Variants in HMGB1 observed in about 807,000 individuals in gnomAD.
HMGB1 encodes high mobility group protein B1.
For missense variants in HMGB1, 79 were observed against 253.5 expected (o/e 0.31, Z 4.67); for synonymous variants, 81 against 84.0 (o/e 0.96, Z 0.19).
At chr13:30,520,230 G>A (rs1404133081) in intron 1 of HMGB1, among the ~76,000 whole-genome samples, 3 of 152,162 alleles carry the variant, frequency 2.0e-5, no homozygotes, top group Admixed American at 6.5e-5. Flanking sequence ...GCTGAGGCAC[G>A]AGAATCACTT....
At chr13:30,531,771 C>T (rs1183558583) in intron 1 of HMGB1, among the ~76,000 whole-genome samples, 1 of 151,646 alleles carries the variant, frequency 6.6e-6, no homozygotes, top group Non-Finnish European at 1.5e-5. Context: ...GTGGTGGGCA[C>T]CTGTAATCCC....
intron 1 of HMGB1, chr13:30,464,393 T>C: frequency 1.0e-6 from 1 of 985,498 alleles, no homozygotes; most frequent in Non-Finnish European, 1.2e-6. Context: ...CTCCTGCTCG[T>C]GGCTCGGTGG....
intron 4 of HMGB1, 84 bp downstream of exon 4, chr13:30,462,454 A>G (rs751292341): frequency 3.6e-6 from 4 of 1,117,006 alleles, no homozygotes; most frequent in Non-Finnish European, 5.5e-6. Context: ...TGTTACCCTA[A>G]AAACTTATTA....
At chr13:30,469,634 ATT>A (rs1409590305), upstream of HMGB1, among the ~76,000 whole-genome samples, 5 of 57,846 alleles carry the variant, frequency 8.6e-5, 2 homozygotes, top group Admixed American at 6.0e-4. Context: ...CGCCCGGCCT[ATT>A]TATTTATTTA....
At chr13:30,538,790 T>TCTTTCTTC (rs1274036194) in intron 1 of HMGB1, among the ~76,000 whole-genome samples, 2 of 149,806 alleles carry the variant, frequency 1.3e-5, no homozygotes, top group Non-Finnish European at 3.0e-5. Context: ...TCTTTCTTTT[T>TCTTTCTTC]CTTTCTTCCT....
chr13:30,551,603 G>A (rs537516593), intron 1 of HMGB1, among the ~76,000 whole-genome samples: 24 of 152,330 alleles, frequency 1.6e-4, no homozygotes, highest in Admixed American at 1.4e-3. Context: ...CCTCTAGGAT[G>A]CAGCCCAACA....
intron 1 of HMGB1, among the ~76,000 whole-genome samples, chr13:30,600,242 T>A (rs1593337896): frequency 6.6e-6 from 1 of 152,278 alleles, no homozygotes; most frequent in Non-Finnish European, 1.5e-5. Context: ...TAAGTGATCA[T>A]CAGCCACTAA....
chr13:30,594,096 G>A (rs1370960478), intron 1 of HMGB1, among the ~76,000 whole-genome samples: 1 of 152,092 alleles, frequency 6.6e-6, no homozygotes, highest in Non-Finnish European at 1.5e-5. Flanking sequence ...AAAAATGTGT[G>A]TATATTCATT....
intron 1 of HMGB1, among the ~76,000 whole-genome samples, chr13:30,536,686 GT>G (rs1868456891): frequency 6.6e-6 from 1 of 152,160 alleles, no homozygotes; most frequent in East Asian, 1.9e-4. Flanking sequence ...TTCAACAACT[GT>G]GTAAATATTG....
intron 1 of HMGB1, among the ~76,000 whole-genome samples, chr13:30,497,590 T>C (rs923625063): frequency 1.3e-5 from 2 of 152,082 alleles, no homozygotes; most frequent in Non-Finnish European, 2.9e-5. Flanking sequence ...AGTTTTTTGA[T>C]CCTCACCCTC....
chr13:30,602,073 T>A (rs1374177682), intron 1 of HMGB1, among the ~76,000 whole-genome samples: 1 of 151,620 alleles, frequency 6.6e-6, no homozygotes, highest in Non-Finnish European at 1.5e-5. Flanking sequence ...GTGACACCAG[T>A]ACCACAGCCT....
At chr13:30,534,702 C>T (rs556783036) in intron 1 of HMGB1, among the ~76,000 whole-genome samples, 3 of 151,600 alleles carry the variant, frequency 2.0e-5, no homozygotes, top group East Asian at 1.9e-4. Flanking sequence ...CTCAGCCTCC[C>T]GAGCAGCTGG....
chr13:30,591,290 C>T (rs1871359759), intron 1 of HMGB1, among the ~76,000 whole-genome samples: 3 of 151,992 alleles, frequency 2.0e-5, no homozygotes, highest in Admixed American at 2.0e-4. Context: ...CCTCGGCCTC[C>T]CAAAGTGCTG....
At chr13:30,477,883 G>A (rs1056847188) in intron 1 of HMGB1, among the ~76,000 whole-genome samples, 2 of 152,114 alleles carry the variant, frequency 1.3e-5, no homozygotes, top group African/African-American at 4.8e-5. Context: ...AAAGCGGTTT[G>A]TAAGGGTAAA....
chr13:30,463,576 T>A lies in HMGB1; in HGVS notation c.105A>T (p.Ser35=), dbSNP rs1041840618. 4 of 1,611,406 alleles carry A rather than the reference T, an allele frequency of 2.5e-6. No homozygotes were observed. Among genetic ancestry groups the A allele is most frequent in the Non-Finnish European group, 3.4e-6 (4 of 1,179,078 alleles). Residue 35 remains serine, a synonymous_variant, in exon 2 of 5, where the codon TCA becomes TCT. Transcript: ENST00000341423. The stretch of plus-strand genomic sequence containing the variant: ...TCTTAGAAAACTCTGAGAAGTTGAC[T>A]GAAGCATCTGGGTGCTTCTTCTTAT... The part of the protein sequence containing the change: ...EEHKKKHPDA[S]VNFSEFSKKC...
In HMGB1 at chr13:30,505,457, T is replaced by C. The variant is rs192929322; in HGVS notation, c.-14-41763A>G. Among the ~76,000 whole-genome samples the C allele has an allele frequency of 1.8e-3, 270 of 152,136 alleles. 1 individual carries two copies. Among genetic ancestry groups the C allele is most frequent in the Middle Eastern group, 0.01 (3 of 294 alleles). ...CCTCCCAAAGTGCTGGGATTACAGG[T>C]GTAAGCCACCGCGCCCAACCATTTT... On this transcript the variant is annotated intron_variant, in intron 1 of 4. Transcript: ENST00000405805.
chr13:30,579,574 G>C (rs1870813562), intron 1 of HMGB1, among the ~76,000 whole-genome samples: 1 of 152,120 alleles, frequency 6.6e-6, no homozygotes, highest in Non-Finnish European at 1.5e-5. Context: ...TCATATCATA[G>C]CTTGCTCTGA....
intron 1 of HMGB1, among the ~76,000 whole-genome samples, chr13:30,488,956 AAT>A (rs1887426583): frequency 1.3e-5 from 2 of 152,286 alleles, no homozygotes; most frequent in African/African-American, 4.8e-5. Context: ...CCTGAAATGA[AAT>A]AATTAGACAA....
intron 1 of HMGB1, among the ~76,000 whole-genome samples, chr13:30,501,700 G>A (rs900067110): frequency 2.0e-5 from 3 of 152,076 alleles, no homozygotes; most frequent in African/African-American, 7.2e-5. Flanking sequence ...TTAGATATGT[G>A]TCAACAAGTA....
Sources: gnomAD v4.1 joint callset for allele counts (sites outside exome capture counted in the v4.1 genomes callset) on GRCh38, gnomAD v4.1.1 for gene constraint, MANE v1.5 for transcripts, NCBI Gene and HGNC (gene_info 2026-07-23, HGNC 2026-07-21) for gene names.